LRP1B: variants seen among roughly 807,000 people sequenced by gnomAD.
LRP1B encodes LDL receptor related protein 1B.
Under a neutral mutation model 556.6 loss-of-function variants are expected in LRP1B, and 217 were observed. The observed-to-expected ratio is 0.39, with a 90% CI of 0.35 to 0.44. LRP1B has a LOEUF of 0.44. Among genes scored for constraint, LRP1B ranks in the 20% least tolerant of loss-of-function variants. LRP1B has a pLI of 1.00. For missense variants in LRP1B, 5,053 were observed against 5,620.8 expected, an observed-to-expected ratio of 0.90 and a Z score of 3.23; for synonymous variants, 2,047 against 1,865.8, an observed-to-expected ratio of 1.10 and a Z score of -2.50.
At position 140,525,893 on chromosome 2, in the gene LRP1B, G is replaced by A. The variant is rs537703391; in HGVS notation, c.7977C>T (p.Cys2659=). The A allele has an allele frequency of 1.6e-4, 257 of 1,612,262 alleles. 2 individuals carry two copies. The South Asian group carries it at 2.6e-3, about 16-fold the overall frequency. ...AGTCTCCACAGTCATTAGACCCGTC[G>A]CATATCCAGGTTGGCAGAACACACA... ...TSLCVLPTWI[C]DGSNDCGDYS... is the part of the protein sequence containing the mutation. The change falls in exon 49 of 91, where the codon TGC becomes TGT. Residue 2659 remains cysteine (C), a synonymous_variant. Coordinates refer to ENST00000389484, the MANE Select transcript of LRP1B (RefSeq NM_018557.3).
intron 32 of LRP1B, among the ~76,000 whole-genome samples, chr2:140,779,661 C>T (rs1166459052): frequency 3.5e-5 from 5 of 142,562 alleles, no homozygotes; most frequent in Non-Finnish European, 1.5e-5. Context: ...TGCCACTGCA[C>T]TCGAGCCCGG....
rs750286152 is a variant in LRP1B at position 140,903,074 on chromosome 2, T to C, written c.3612A>G (p.Gln1204=). Reference sequence around the variant, plus strand: ...CACATGTTTTATTGTCTTTGTTGAGTTGAAGTCCTTCAGGGCAGGAACAGA... The same window carrying C: ...CACATGTTTTATTGTCTTTGTTGAGCTGAAGTCCTTCAGGGCAGGAACAGA... ...GIVCSCPEGL[Q]LNKDNKTCEI... is the part of the protein sequence containing the mutation. The change falls in exon 23 of 91, where the codon CAA becomes CAG. Residue 1204 remains glutamine (Q), a synonymous_variant. Transcript: ENST00000389484. 1 of 1,613,646 alleles carries C rather than the reference T, an allele frequency of 6.2e-7. No individual in the cohort carries two copies. Among genetic ancestry groups the C allele is most frequent in the Admixed American group, 1.7e-5 (1 of 59,936 alleles).
At chr2:140,708,584 TTA>T (rs10606723) in intron 37 of LRP1B, among the ~76,000 whole-genome samples, 72,416 of 150,926 alleles carry the variant, frequency 0.48, 18,585 homozygotes, top group Non-Finnish European at 0.59. Context: ...ATTTTTCATT[TTA>T]TATATGTGTT....
At chr2:141,047,047 A>ACTC (rs1553451699) in intron 11 of LRP1B, among the ~76,000 whole-genome samples, 1 of 140,960 alleles carries the variant, frequency 7.1e-6, no homozygotes, top group African/African-American at 2.6e-5. Flanking sequence ...GCAGCACTGC[A>ACTC]CAAAAATTAA....
chr2:140,415,760 T>C (rs1375920219), intron 66 of LRP1B, among the ~76,000 whole-genome samples: 11 of 151,424 alleles, frequency 7.3e-5, no homozygotes, highest in Non-Finnish European at 1.5e-5. Flanking sequence ...CCCCTGGTTC[T>C]AGTCCCCACC....
At chr2:141,500,474 C>T (rs1683674916) in intron 2 of LRP1B, among the ~76,000 whole-genome samples, 7 of 152,194 alleles carry the variant, frequency 4.6e-5, no homozygotes, top group Middle Eastern at 6.8e-3. Context: ...TTCTTACCTA[C>T]ATAGTACTAG....
intron 18 of LRP1B, among the ~76,000 whole-genome samples, chr2:140,975,754 T>C (rs1407535560): frequency 6.6e-6 from 1 of 152,198 alleles, no homozygotes; most frequent in Non-Finnish European, 1.5e-5. Flanking sequence ...TACACACATA[T>C]GCAGGTTTTT....
At chr2:140,714,691 C>A (rs2105457999) in intron 37 of LRP1B, among the ~76,000 whole-genome samples, 1 of 152,164 alleles carries the variant, frequency 6.6e-6, no homozygotes, top group Non-Finnish European at 1.5e-5. Context: ...TTCCTTCTTG[C>A]CTTAGAATAA....
At chr2:141,589,544 T>C (rs6429911) in intron 2 of LRP1B, among the ~76,000 whole-genome samples, 129,995 of 152,090 alleles carry the variant, frequency 0.85, 56,620 homozygotes, top group East Asian at 1. Flanking sequence ...TTTCGTTTCC[T>C]GCTTCCTAAT....
At chr2:142,036,122 T>C (rs545472206) in intron 1 of LRP1B, among the ~76,000 whole-genome samples, 2 of 151,776 alleles carry the variant, frequency 1.3e-5, no homozygotes, top group Non-Finnish European at 3.0e-5. Flanking sequence ...AACAGACTAA[T>C]ACACCCCAAG....
At chr2:141,431,420 G>A (rs545839984) in intron 3 of LRP1B, among the ~76,000 whole-genome samples, 13 of 152,146 alleles carry the variant, frequency 8.5e-5, no homozygotes, top group Non-Finnish European at 1.9e-4. Context: ...AGCCACACAG[G>A]AATAATTTTG....
At chr2:140,943,543 A>T (rs113038926) in intron 20 of LRP1B, among the ~76,000 whole-genome samples, 4,729 of 152,208 alleles carry the variant, frequency 0.031, 119 homozygotes, top group Middle Eastern at 0.061. Flanking sequence ...ATAAATTTTT[A>T]AAAAATCAAA....
At chr2:141,783,024 G>A (rs1695315320) in intron 2 of LRP1B, among the ~76,000 whole-genome samples, 1 of 152,060 alleles carries the variant, frequency 6.6e-6, no homozygotes, top group Admixed American at 6.6e-5. Context: ...AAATGGAGAT[G>A]TAGCTTAGTT....
chr2:140,479,388 A>C (rs1688126361), intron 59 of LRP1B, among the ~76,000 whole-genome samples: 1 of 152,194 alleles, frequency 6.6e-6, no homozygotes, highest in African/African-American at 2.4e-5. Context: ...AATTGCACCC[A>C]GATAATATGC....
At chr2:141,405,852 T>G (rs961750493) in intron 3 of LRP1B, among the ~76,000 whole-genome samples, 2 of 152,120 alleles carry the variant, frequency 1.3e-5, no homozygotes, top group Admixed American at 1.3e-4. Context: ...TAGTAAAACA[T>G]AACTGTGTCA....
At chr2:141,706,740 T>A (rs1254913158) in intron 2 of LRP1B, among the ~76,000 whole-genome samples, 1 of 152,114 alleles carries the variant, frequency 6.6e-6, no homozygotes, top group African/African-American at 2.4e-5. Context: ...GCCAAAAAAG[T>A]ATGGATTATG....
chr2:140,913,850 T>G (rs916255440), intron 21 of LRP1B, among the ~76,000 whole-genome samples: 17 of 152,218 alleles, frequency 1.1e-4, no homozygotes, highest in Non-Finnish European at 1.9e-4. Flanking sequence ...GTGTGATTTT[T>G]GGGAGGTAAT....
chr2:140,398,519 T>TTTGTTGCTGTTG (rs1684353387), intron 66 of LRP1B, among the ~76,000 whole-genome samples: 1 of 151,186 alleles, frequency 6.6e-6, no homozygotes, highest in Non-Finnish European at 1.5e-5. Context: ...TTCTTTCTCT[T>TTTGTTGCTGTTG]TTGTTGTTGT....
intron 63 of LRP1B, among the ~76,000 whole-genome samples, chr2:140,448,174 C>A (rs1254830497): frequency 1.3e-5 from 2 of 152,038 alleles, no homozygotes; most frequent in Admixed American, 6.6e-5. Context: ...ATTGATGCAG[C>A]CTTGTCATAA....
Sources: allele counts gnomAD v4.1 joint callset (sites outside exome capture counted in the v4.1 genomes callset), GRCh38; gene constraint gnomAD v4.1.1; transcripts MANE v1.5; gene names NCBI Gene and HGNC (gene_info 2026-07-23, HGNC 2026-07-21).